CTNNA3: variants seen among roughly 807,000 people sequenced by gnomAD.
CTNNA3 encodes catenin alpha 3, also known as catenin alpha-3.
CTNNA3 carries 76 observed loss-of-function variants against 95.7 expected under a neutral mutation model. The observed-to-expected ratio is 0.79, with a 90% confidence interval of 0.66 to 0.96. The LOEUF (loss-of-function observed/expected upper bound fraction) is 0.96. Among genes scored for constraint, CTNNA3 ranks in the 40% least tolerant of loss-of-function variants. The pLI, the probability that CTNNA3 is intolerant of heterozygous loss-of-function variation, is 0.00. For synonymous variants in CTNNA3, 431 were observed against 374.4 expected (o/e 1.15, Z -1.74); for missense variants, 1,191 against 1,089.8 (o/e 1.09, Z -1.31).
At chr10:67,118,916 G>T (rs114972603) in intron 7 of CTNNA3, among the ~76,000 whole-genome samples, 7 of 151,678 alleles carry the variant, frequency 4.6e-5, no homozygotes, top group African/African-American at 9.7e-5. Flanking sequence ...ATCATTTTCC[G>T]CTGCCATTTA....
intron 13 of CTNNA3, among the ~76,000 whole-genome samples, chr10:66,232,829 G>A (rs10822761): frequency 0.33 from 49,847 of 151,954 alleles, 8,967 homozygotes; most frequent in East Asian, 0.43. Context: ...GGGGAAAATT[G>A]TATCTTAACT....
chr10:66,147,720 T>C (rs1217924677), intron 13 of CTNNA3, among the ~76,000 whole-genome samples: 1 of 151,274 alleles, frequency 6.6e-6, no homozygotes, highest in African/African-American at 2.4e-5. Flanking sequence ...GTAAGATACG[T>C]TTATAAAAGT....
chr10:66,856,241 A>T (rs1843677467), intron 7 of CTNNA3, among the ~76,000 whole-genome samples: 1 of 152,048 alleles, frequency 6.6e-6, no homozygotes, highest in Non-Finnish European at 1.5e-5. Flanking sequence ...TGTTGTGGCA[A>T]AGGACATGAT....
At chr10:67,233,820 T>C (rs1435379785) in intron 5 of CTNNA3, among the ~76,000 whole-genome samples, 1 of 151,866 alleles carries the variant, frequency 6.6e-6, no homozygotes, top group African/African-American at 2.4e-5. Context: ...TAAAAAATGA[T>C]AAAGGGGATA....
chr10:66,450,010 A>AT (rs11401625), intron 11 of CTNNA3, among the ~76,000 whole-genome samples: 56,571 of 151,604 alleles, frequency 0.37, 11,006 homozygotes, highest in African/African-American at 0.48. Context: ...TAAGTTCATA[A>AT]TTTTTTTTGA....
chr10:66,058,332 G>A (rs577136713), intron 15 of CTNNA3, among the ~76,000 whole-genome samples: 2 of 152,148 alleles, frequency 1.3e-5, no homozygotes, highest in South Asian at 2.1e-4. Flanking sequence ...AAAAGACAGC[G>A]GGGGCAGAAA....
intron 10 of CTNNA3, among the ~76,000 whole-genome samples, chr10:66,607,713 T>C (rs538428330): frequency 5.6e-4 from 86 of 152,250 alleles, no homozygotes; most frequent in African/African-American, 1.9e-3. Context: ...ATTATCTCAA[T>C]AGATGCAGAA....
At chr10:66,744,459 A>T (rs1325471825) in intron 9 of CTNNA3, among the ~76,000 whole-genome samples, 3 of 152,164 alleles carry the variant, frequency 2.0e-5, no homozygotes, top group Non-Finnish European at 2.9e-5. Flanking sequence ...AAGATCACTC[A>T]ACTAGTTAAT....
intron 12 of CTNNA3, among the ~76,000 whole-genome samples, chr10:66,305,334 T>C (rs2091917308): frequency 6.6e-6 from 1 of 152,146 alleles, no homozygotes; most frequent in African/African-American, 2.4e-5. Context: ...AAAGAATTTG[T>C]ACAAAACAGT....
chr10:66,667,408 A>G (rs7901226), intron 9 of CTNNA3, among the ~76,000 whole-genome samples: 100,052 of 151,754 alleles, frequency 0.66, 33,852 homozygotes, highest in East Asian at 0.95. Context: ...AAGAGAACAG[A>G]GCTGAGAATA....
chr10:66,012,416 T>C (rs2079021998), intron 15 of CTNNA3, among the ~76,000 whole-genome samples: 1 of 152,150 alleles, frequency 6.6e-6, no homozygotes, highest in South Asian at 2.1e-4. Context: ...AAGACAACTG[T>C]TACATTTAAA....
intron 15 of CTNNA3, among the ~76,000 whole-genome samples, chr10:66,063,308 A>C (rs12779201): frequency 0.49 from 65,520 of 133,162 alleles, 14,828 homozygotes; most frequent in East Asian, 0.67. Flanking sequence ...CTCTCTCTCT[A>C]TATATATATA....
intron 12 of CTNNA3, among the ~76,000 whole-genome samples, chr10:66,378,617 A>T (rs1217388520): frequency 6.6e-6 from 1 of 152,196 alleles, no homozygotes; most frequent in Non-Finnish European, 1.5e-5. Flanking sequence ...GAAAATACTA[A>T]CCTGAGTGCT....
chr10:66,949,823 G>A (rs938431183), intron 7 of CTNNA3, among the ~76,000 whole-genome samples: 1 of 105,344 alleles, frequency 9.5e-6, no homozygotes, highest in African/African-American at 3.5e-5. Context: ...TTTCTCACAT[G>A]TTTTGTGATT....
At chr10:66,481,500 C>G (rs1304682748) in intron 11 of CTNNA3, among the ~76,000 whole-genome samples, 6 of 98,518 alleles carry the variant, frequency 6.1e-5, no homozygotes, top group Admixed American at 1.4e-4. Flanking sequence ...GAGACGGAGT[C>G]TCGCTCTGTC....
chr10:66,801,620 A>T (rs1281889664), intron 7 of CTNNA3, among the ~76,000 whole-genome samples: 1 of 151,690 alleles, frequency 6.6e-6, no homozygotes, highest in Non-Finnish European at 1.5e-5. Context: ...TCAAATAAAT[A>T]GATCCCTATG....
chr10:66,766,212 T>A (rs1839844682), intron 9 of CTNNA3, 52 bp downstream of exon 9: 3 of 1,571,090 alleles, frequency 1.9e-6, no homozygotes. Flanking sequence ...AAATGGAGAA[T>A]GGGAGCCTCA....
At chr10:66,761,014 G>A (rs1839578834) in intron 9 of CTNNA3, among the ~76,000 whole-genome samples, 1 of 152,244 alleles carries the variant, frequency 6.6e-6, no homozygotes, top group East Asian at 1.9e-4. Flanking sequence ...AGGAAGAATG[G>A]AAGGGGACTG....
chr10:66,825,873 C>G (rs1463838193), intron 7 of CTNNA3, among the ~76,000 whole-genome samples: 1 of 152,166 alleles, frequency 6.6e-6, no homozygotes, highest in Non-Finnish European at 1.5e-5. Flanking sequence ...TGAATTCAAG[C>G]TCCCCAGGCC....
Sources: allele counts gnomAD v4.1 joint callset (sites outside exome capture counted in the v4.1 genomes callset), GRCh38; gene constraint gnomAD v4.1.1; transcripts MANE v1.5; gene names NCBI Gene and HGNC (gene_info 2026-07-23, HGNC 2026-07-21).